GRM4: variants seen among roughly 807,000 people sequenced by gnomAD.
The protein encoded by GRM4 is glutamate metabotropic receptor 4, also known as metabotropic glutamate receptor 4.
GRM4 carries 28 observed loss-of-function variants against 81.7 expected under a neutral mutation model. The ratio of observed to expected loss-of-function variants is 0.34; its 90% CI spans 0.25 to 0.47. The LOEUF (loss-of-function observed/expected upper bound fraction) is 0.47, where lower values mean the gene tolerates loss of function less well. GRM4 is among the 20% of genes least tolerant of loss of function. GRM4 has a pLI of 1.00. For synonymous variants in GRM4, 488 were observed against 528.8 expected (o/e 0.92, Z 1.06); for missense variants, 948 against 1,290.0 (o/e 0.73, Z 4.06).
chr6:34,052,929 T>C (rs545983872), intron 6 of GRM4, among the ~76,000 whole-genome samples: 20 of 152,352 alleles, frequency 1.3e-4, no homozygotes, highest in Non-Finnish European at 2.8e-4. Flanking sequence ...ACCTTCAGGA[T>C]GGCACATTCT....
chr6:34,038,052 GAGGCGAGACGGTCC>G (rs1291179805), intron 8 of GRM4, among the ~76,000 whole-genome samples: 10 of 152,190 alleles, frequency 6.6e-5, no homozygotes, highest in Non-Finnish European at 4.4e-5. Flanking sequence ...CAGGAATGTG[GAGGCGAGACGGTCC>G]CTGTGGACTG....
intron 2 of GRM4, among the ~76,000 whole-genome samples, chr6:34,123,607 C>CT (rs1225876977): frequency 1.3e-5 from 2 of 152,162 alleles, no homozygotes; most frequent in Non-Finnish European, 2.9e-5. Flanking sequence ...AGAGCTGGTA[C>CT]TTTGTTCCAC....
In GRM4 at chr6:34,152,502, G is replaced by A. The variant is rs888931105; in HGVS notation, c.312+2577C>T. ...GAGGATTCTGCTCCCCTCGAAGGAG[G>A]CAGCAGCATTTCTGCAAACACCCCT... On this transcript the variant is annotated intron_variant, in intron 1 of 8. Transcript: ENST00000374177. This position sits in a 1 kb window ranked among gnomAD's most constrained non-coding sequence, Gnocchi z 4.1. 2.0e-5 allele frequency among the ~76,000 whole-genome samples: 3 copies of A among 152,080 alleles called. No homozygotes were observed. The highest frequency in any genetic ancestry group is 2.9e-5 in the Non-Finnish European group (2 of 67,998).
intron 6 of GRM4, chr6:34,054,221 C>A (rs1681345765): frequency 6.7e-6 from 1 of 150,144 alleles, no homozygotes; most frequent in South Asian, 2.1e-4. Flanking sequence ...AGTGCACTGG[C>A]ACAATCTCGG....
rs1565364 is a variant in GRM4, at chr6:34,080,749, G to C, written c.736+11134C>G. ...CCCAGACCACTTTCAGAAAGGGGCC[G>C]TCACAGCTCATACTTGGTCACGCAG... On this transcript the variant is annotated intron_variant, in intron 3 of 10. Coordinates refer to ENST00000538487, the MANE Select transcript of GRM4 (RefSeq NM_000841.4). This position sits in a 1 kb window ranked among gnomAD's most constrained non-coding sequence, Gnocchi z 5.4. Among the ~76,000 whole-genome samples, 96,412 of 151,684 alleles carry C rather than the reference G, an allele frequency of 0.64. 32,479 individuals carry two copies. Among genetic ancestry groups the C allele is most frequent in the Non-Finnish European group, 0.74 (50,603 of 67,940 alleles).
chr6:34,040,696 C>G lies in GRM4; in HGVS notation c.1221G>C (p.Gln407His). ...DSAYEQEGKV[Q>H]FVIDAVYAMG... ...TGGCGTACACGGCATCGATCACAAA[C>G]TGCACCTTCCCCTCCTGCTCATAAG... Residue 407 changes from glutamine to histidine, a missense_variant, in exon 7 of 11, where the codon CAG (glutamine) becomes CAC (histidine). By Grantham distance (24) the Gln-to-His change is conservative. Coordinates refer to ENST00000538487, the MANE Select transcript of GRM4 (RefSeq NM_000841.4). 6.2e-7 allele frequency: 1 copy of G among 1,614,142 alleles called. No individual in the cohort carries two copies. The highest frequency in any genetic ancestry group is 8.5e-7 in the Non-Finnish European group (1 of 1,179,960).
rs1771059753 is a variant in GRM4 at position 34,152,172 on chromosome 6, G to A, written c.312+2907C>T. 6.6e-6 allele frequency among the ~76,000 whole-genome samples: 1 copy of A among 152,106 alleles called. No homozygotes were observed. The highest frequency in any genetic ancestry group is 6.6e-5 in the Admixed American group (1 of 15,262). Reference sequence around the variant, plus strand: ...CTTGGTTCTACTTAGGAAACTCCATGGACAATGTTTGCTCCTTCCCAAGCA... The same window carrying A: ...CTTGGTTCTACTTAGGAAACTCCATAGACAATGTTTGCTCCTTCCCAAGCA... On this transcript the variant is annotated intron_variant, in intron 1 of 8. Coordinates refer to the GRM4 transcript ENST00000374177. The surrounding 1 kb of genome is among the most constrained non-coding windows in gnomAD (Gnocchi z 4.1).
At chr6:34,135,852 C>T (rs1770434944) in intron 1 of GRM4, among the ~76,000 whole-genome samples, 1 of 152,226 alleles carries the variant, frequency 6.6e-6, no homozygotes, top group South Asian at 2.1e-4. Context: ...AGGCACATCC[C>T]TGCTAGTTCT....
rs1766359595 is a variant in GRM4, at chr6:34,064,694, G to A, written c.737-2666C>T. 6.6e-6 allele frequency among the ~76,000 whole-genome samples: 1 copy of A among 152,194 alleles called. No homozygotes were observed. The highest frequency in any genetic ancestry group is 2.1e-4 in the South Asian group (1 of 4,830). On this transcript the variant is annotated intron_variant, in intron 3 of 10. Coordinates refer to ENST00000538487, the MANE Select transcript of GRM4 (RefSeq NM_000841.4). This position sits in a 1 kb window ranked among gnomAD's most constrained non-coding sequence, Gnocchi z 4.4. ...CAGGCCCTCTCCTGGGATGACACAA[G>A]CTCCTGGCAGTGGCACAATCTCTGC...
At chr6:34,139,134 G>A (rs191231431) in intron 1 of GRM4, among the ~76,000 whole-genome samples, 49 of 152,324 alleles carry the variant, frequency 3.2e-4, no homozygotes, top group African/African-American at 1.0e-3. Flanking sequence ...GGCCCCAACC[G>A]GCTTCCCTTT....
Position 34,074,377 on chromosome 6 carries a change from G to C in GRM4, c.737-12349C>G, listed in dbSNP as rs1276205375. ...TGCCCGTGGACAGGGTCAGCCCCTA[G>C]GGGATATTTTGGGGTGTGGAGGAGG... is the stretch of plus-strand genomic sequence containing the variant. On this transcript the variant is annotated intron_variant, in intron 3 of 10. Transcript: ENST00000538487. This position sits in a 1 kb window ranked among gnomAD's most constrained non-coding sequence, Gnocchi z 4.9. 6.6e-6 allele frequency among the ~76,000 whole-genome samples: 1 copy of C among 152,228 alleles called. No homozygotes were observed. The highest frequency in any genetic ancestry group is 1.5e-5 in the Non-Finnish European group (1 of 68,026).
At chr6:34,081,627 A>G (rs1047437887) in intron 3 of GRM4, among the ~76,000 whole-genome samples, 1 of 152,216 alleles carries the variant, frequency 6.6e-6, no homozygotes, top group Non-Finnish European at 1.5e-5. Flanking sequence ...GTACGGCCAT[A>G]CAGTGGTAGA....
In GRM4 at chr6:34,092,102, G is replaced by A. The variant is rs1768262062; in HGVS notation, c.520-3C>T. The A allele has an allele frequency of 1.3e-6, 2 of 1,582,366 alleles. No individual in the cohort carries two copies. The highest frequency in any genetic ancestry group is 1.7e-6 in the Non-Finnish European group (2 of 1,155,166). Reference sequence around the variant, plus strand: ...GAGGCGTAGCTGATCTGGGGTATCTGAGGGGCGAGAGGGGCTGCTGAGGGT... The same window carrying A: ...GAGGCGTAGCTGATCTGGGGTATCTAAGGGGCGAGAGGGGCTGCTGAGGGT... On this transcript the variant is annotated splice_region_variant and splice_polypyrimidine_tract_variant and intron_variant, in intron 2 of 10. Coordinates refer to ENST00000538487, the MANE Select transcript of GRM4 (RefSeq NM_000841.4). The surrounding 1 kb of genome is among the most constrained non-coding windows in gnomAD (Gnocchi z 6.8).
At chr6:34,061,176 C>T (rs1174607159) in intron 4 of GRM4, 1 of 152,230 alleles carries the variant, frequency 6.6e-6, no homozygotes, top group Admixed American at 6.5e-5. Context: ...CACATCTGCT[C>T]TCAGCCTCCT....
rs34475739 is a variant in GRM4 at position 34,080,830 on chromosome 6, TCACA to T, written c.736+11049_736+11052del. Among the ~76,000 whole-genome samples the T allele has an allele frequency of 3.9e-4, 55 of 140,458 alleles. No homozygotes were observed. In the South Asian group the frequency reaches 4.4e-3, roughly 11 times the overall value. The allele number at this position is 140,458 out of a possible 152,430, so 92.1% of individuals were successfully genotyped here. On this transcript the variant is annotated intron_variant, in intron 3 of 10. Coordinates refer to ENST00000538487, the MANE Select transcript of GRM4 (RefSeq NM_000841.4). This position sits in a 1 kb window ranked among gnomAD's most constrained non-coding sequence, Gnocchi z 5.4. ...CACTTCTCTCTTCTCTCTCTCTCTC[TCACA>T]CACACACACACATACACACACACAT... is the stretch of plus-strand genomic sequence containing the variant.
At chr6:34,079,999 G>GC (rs915027888) in intron 3 of GRM4, among the ~76,000 whole-genome samples, 13 of 151,612 alleles carry the variant, frequency 8.6e-5, no homozygotes, top group African/African-American at 2.9e-4. Flanking sequence ...GTCCCCACAG[G>GC]CCCCCCCAGG....
intron 5 of GRM4, 29 bp from the exon 6 acceptor site, chr6:34,056,713 C>T (rs1419516600): frequency 6.2e-7 from 1 of 1,603,514 alleles, no homozygotes; most frequent in Admixed American, 1.7e-5. Context: ...GTCAGGGCCT[C>T]ACTGGCCTTC....
chr6:34,124,002 G>A (rs1485651612), intron 2 of GRM4, among the ~76,000 whole-genome samples: 1 of 152,214 alleles, frequency 6.6e-6, no homozygotes, highest in African/African-American at 2.4e-5. Flanking sequence ...GGAAGAATGA[G>A]CCTCTCACAG....
At position 34,022,830 on chromosome 6, in the gene GRM4, A is replaced by C. The variant is rs746291365; in HGVS notation, c.2730T>G (p.His910Gln). 4 of 1,613,770 alleles carry C rather than the reference A, an allele frequency of 2.5e-6. No individual in the cohort carries two copies. Among genetic ancestry groups the C allele is most frequent in the African/African-American group, 1.3e-5 (1 of 74,914 alleles). Residue 910 changes from histidine (H) to glutamine (Q), a missense_variant, in exon 11 of 11, where the codon CAT becomes CAG. Physicochemically the swap from His to Gln is conservative, Grantham distance 24 (BLOSUM62 0). Transcript: ENST00000538487. The surrounding 1 kb of genome is among the most constrained non-coding windows in gnomAD (Gnocchi z 5.6). Reference protein sequence around the residue: ...TKQTYVTYTNHAI With the variant: ...TKQTYVTYTNQAI ...CAGCTCCATGGACTCGCTAGATTGC[A>C]TGGTTGGTGTAAGTGACGTAAGTCT...
Sources: allele counts gnomAD v4.1 joint callset (sites outside exome capture counted in the v4.1 genomes callset), GRCh38; gene constraint gnomAD v4.1.1; non-coding constraint Gnocchi (gnomAD v3.1); transcripts MANE v1.5; gene names NCBI Gene and HGNC (gene_info 2026-07-23, HGNC 2026-07-21).